The following DDX42 variants were observed in gnomAD, a reference collection of about 807,000 sequenced individuals.
DDX42 encodes the protein DEAD-box helicase 42.
A neutral mutation model predicts 101.5 loss-of-function variants in DDX42; 22 were observed. The observed-to-expected ratio is 0.22, with a 90% CI of 0.15 to 0.31. The LOEUF is 0.31. DDX42 is among the 10% of genes least tolerant of loss of function. The pLI is 1.00. For synonymous variants in DDX42, 402 were observed against 401.2 expected, an observed-to-expected ratio of 1.00 and a Z score of -0.02; for missense variants, 849 against 1,199.9, an observed-to-expected ratio of 0.71 and a Z score of 4.32.
At chr17:63,790,980 C>A (rs576816024) in intron 2 of DDX42, among the ~76,000 whole-genome samples, 3 of 152,264 alleles carry the variant, frequency 2.0e-5, no homozygotes, top group South Asian at 2.1e-4. Flanking sequence ...ATTATTGTTA[C>A]ATATAGTCAG....
chr17:63,783,108 G>C (rs1009602720), intron 1 of DDX42, among the ~76,000 whole-genome samples: 4 of 151,998 alleles, frequency 2.6e-5, no homozygotes, highest in African/African-American at 4.8e-5. Flanking sequence ...CTATGCCTTT[G>C]CTCCCACTCA....
At chr17:63,795,094 A>G (rs953974090) in intron 3 of DDX42, among the ~76,000 whole-genome samples, 1 of 152,198 alleles carries the variant, frequency 6.6e-6, no homozygotes, top group African/African-American at 2.4e-5. Flanking sequence ...TGGCCTAGAC[A>G]TTGCTTTTTT....
chr17:63,811,405 G>GT (rs533725660), intron 13 of DDX42: 141 of 426,916 alleles, frequency 3.3e-4, no homozygotes, highest in Middle Eastern at 6.3e-4. Context: ...TTCATTTTGT[G>GT]TTTTTTTTGT....
intron 6 of DDX42, among the ~76,000 whole-genome samples, chr17:63,804,513 A>G (rs142337362): frequency 2.0e-5 from 3 of 152,206 alleles, no homozygotes; most frequent in African/African-American, 7.2e-5. Context: ...AAATATTAGG[A>G]GTGTTTTTAA....
intron 6 of DDX42, among the ~76,000 whole-genome samples, chr17:63,803,806 C>T (rs985673588): frequency 3.3e-5 from 5 of 151,416 alleles, no homozygotes; most frequent in Non-Finnish European, 5.9e-5. Context: ...TGTGCCACTA[C>T]GCCCGGCTAA....
intron 15 of DDX42, among the ~76,000 whole-genome samples, chr17:63,815,213 T>A (rs1404299176): frequency 1.3e-5 from 2 of 152,170 alleles, no homozygotes; most frequent in African/African-American, 4.8e-5. Flanking sequence ...TAATACATGG[T>A]TTGAGAAATA....
intron 1 of DDX42, chr17:63,774,822 C>T (rs995607319): frequency 6.6e-6 from 1 of 152,192 alleles, no homozygotes; most frequent in African/African-American, 2.4e-5. Flanking sequence ...GATCTTTGTG[C>T]AGCGTTGAGT....
chr17:63,814,997 A>G (rs2039959904), intron 15 of DDX42, among the ~76,000 whole-genome samples: 1 of 152,092 alleles, frequency 6.6e-6, no homozygotes, highest in African/African-American at 2.4e-5. Context: ...TTCTTAAGAG[A>G]ATGTGAGTAA....
At position 63,774,242 on chromosome 17, in the gene DDX42, G is replaced by A; in HGVS notation, c.-151G>A. 5.0e-6 allele frequency: 1 copy of A among 200,222 alleles called. No individual in the cohort carries two copies. Among genetic ancestry groups the A allele is most frequent in the Non-Finnish European group, 8.1e-6 (1 of 122,856 alleles). 12.4% of individuals were successfully genotyped at this position (200,222 alleles called of 1,614,324 possible). On this transcript the variant is annotated 5_prime_UTR_variant, in exon 1 of 18. The change creates a new upstream start codon in the 5' untranslated region. Transcript: ENST00000389924. ...GGCGGTGGCGGCGGCGGTGGTGGTG[G>A]TGGCGGCGGCGGCGGCGAAGGGGGC...
chr17:63,780,680 T>A (rs2039477470), intron 1 of DDX42, among the ~76,000 whole-genome samples: 1 of 152,196 alleles, frequency 6.6e-6, no homozygotes, highest in Non-Finnish European at 1.5e-5. Flanking sequence ...AAGGATCGCT[T>A]TTCCAACTTG....
chr17:63,776,547 G>A (rs1251615458), intron 1 of DDX42, among the ~76,000 whole-genome samples: 1 of 152,070 alleles, frequency 6.6e-6, no homozygotes, highest in African/African-American at 2.4e-5. Context: ...TGAAAAACAC[G>A]ATGGTAGCTG....
intron 17 of DDX42, 139 bp from the exon 18 acceptor site, chr17:63,817,555 C>A: frequency 1.3e-6 from 1 of 768,822 alleles, no homozygotes; most frequent in Non-Finnish European, 2.1e-6. Flanking sequence ...AGGGACCATA[C>A]TGTGGGGCCA....
intron 1 of DDX42, among the ~76,000 whole-genome samples, chr17:63,784,473 A>T (rs2039523321): frequency 1.3e-5 from 2 of 152,194 alleles, no homozygotes; most frequent in South Asian, 4.1e-4. Flanking sequence ...CATAAATGTA[A>T]GTAGTAGTTA....
intron 6 of DDX42, 91 bp downstream of exon 6, chr17:63,800,708 C>T: frequency 6.8e-7 from 1 of 1,481,168 alleles, no homozygotes; most frequent in East Asian, 2.3e-5. Flanking sequence ...GTGGAATACT[C>T]TTACATCATG....
chr17:63,805,909 G>A (rs2039833742), intron 7 of DDX42: 1 of 152,236 alleles, frequency 6.6e-6, no homozygotes, highest in Non-Finnish European at 1.5e-5. Flanking sequence ...ATCCTGATTG[G>A]AAATATCAAC....
At chr17:63,793,692 A>G (rs1002294350) in intron 3 of DDX42, among the ~76,000 whole-genome samples, 5 of 152,132 alleles carry the variant, frequency 3.3e-5, no homozygotes, top group East Asian at 3.8e-4. Context: ...AAATCATTAA[A>G]TATCCATCTG....
intron 3 of DDX42, among the ~76,000 whole-genome samples, chr17:63,792,919 C>A (rs972313538): frequency 2.1e-4 from 32 of 152,054 alleles, no homozygotes; most frequent in African/African-American, 7.7e-4. Context: ...AGGAACTTGC[C>A]AAAATTATAA....
chr17:63,809,233 A>G (rs930432469), intron 10 of DDX42, among the ~76,000 whole-genome samples: 2 of 152,246 alleles, frequency 1.3e-5, no homozygotes, highest in Non-Finnish European at 2.9e-5. Context: ...AGAAAGATAC[A>G]TATGGTCAGA....
At chr17:63,778,617 G>A (rs978565274) in intron 1 of DDX42, among the ~76,000 whole-genome samples, 1 of 151,078 alleles carries the variant, frequency 6.6e-6, no homozygotes, top group Non-Finnish European at 1.5e-5. Context: ...GATCACTCTA[G>A]TAGTGCTGTG....
Sources: gnomAD v4.1 joint callset for allele counts (sites outside exome capture counted in the v4.1 genomes callset) on GRCh38, gnomAD v4.1.1 for gene constraint, MANE v1.5 for transcripts, NCBI Gene and HGNC (gene_info 2026-07-23, HGNC 2026-07-21) for gene names.